Variants in AMDHD1 observed in about 807,000 individuals in gnomAD.
AMDHD1 encodes amidohydrolase domain containing 1, also known as probable imidazolonepropionase.
Under a neutral mutation model 44.1 loss-of-function variants are expected in AMDHD1, and 45 were observed. The observed-to-expected ratio is 1.02, with a 90% CI of 0.80 to 1.31. The LOEUF (loss-of-function observed/expected upper bound fraction) is 1.31, where lower values mean the gene tolerates loss of function less well. AMDHD1 is among the 50% of genes most tolerant of loss of function. The pLI, the probability that AMDHD1 is intolerant of heterozygous loss-of-function variation, is 0.00. For synonymous variants in AMDHD1, 206 were observed against 205.0 expected (o/e 1.00, Z -0.04); for missense variants, 586 against 552.1 (o/e 1.06, Z -0.61).
Position 95,968,543 on chromosome 12 carries a change from TGGGTGAA to T in AMDHD1, c.*701_*707del, listed in dbSNP as rs2080623844. ...AATTTTCGATTCTTTACATTACAAT[TGGGTGAA>T]ACACATTTTACAGCTCTCAATAAAT... On this transcript the variant is annotated 3_prime_UTR_variant, in exon 9 of 9. Transcript: ENST00000266736. The T allele has an allele frequency of 6.6e-6, 1 of 152,226 alleles. No individual in the cohort carries two copies. Among genetic ancestry groups the T allele is most frequent in the Non-Finnish European group, 1.5e-5 (1 of 68,038 alleles). The allele number at this position is 152,226 out of a possible 1,614,324, so 9.4% of individuals were successfully genotyped here. A position where few individuals can be genotyped will look rare whatever the true frequency, so the allele number is the denominator to read the frequency against.
At chr12:95,959,277 A>G (rs2080567872) in intron 4 of AMDHD1, among the ~76,000 whole-genome samples, 1 of 152,320 alleles carries the variant, frequency 6.6e-6, no homozygotes, top group Admixed American at 6.5e-5. Flanking sequence ...GCCTGAGCTC[A>G]AATAACAGCT....
At position 95,956,675 on chromosome 12, in the gene AMDHD1, G is replaced by C; in HGVS notation, c.310-10G>C. Reference sequence around the variant, plus strand: ...GCATGTGCTGGCCTAAAGGTGAGGCGTGTGTTCAGTTGGCAGGAGCCACCT... The same window carrying C: ...GCATGTGCTGGCCTAAAGGTGAGGCCTGTGTTCAGTTGGCAGGAGCCACCT... On this transcript the variant is annotated splice_polypyrimidine_tract_variant and intron_variant, in intron 3 of 8. Transcript: ENST00000266736. 1 of 1,613,070 alleles carries C rather than the reference G, an allele frequency of 6.2e-7. No homozygotes were observed. The highest frequency in any genetic ancestry group is 8.5e-7 in the Non-Finnish European group (1 of 1,179,132).
intron 8 of AMDHD1, 116 bp from the exon 9 acceptor site, chr12:95,967,640 C>A: frequency 1.3e-6 from 1 of 768,868 alleles, no homozygotes. Flanking sequence ...ATACCATTGA[C>A]TGGGTGTAAA....
Position 95,965,766 on chromosome 12 carries a change from A to G in AMDHD1, c.1019A>G (p.Tyr340Cys). 6.2e-7 allele frequency: 1 copy of G among 1,607,186 alleles called. No homozygotes were observed. Among genetic ancestry groups the G allele is most frequent in the Non-Finnish European group, 8.5e-7 (1 of 1,176,306 alleles). Residue 340 changes from tyrosine (Y) to cysteine (C), a missense_variant, in exon 7 of 9, where the codon TAT becomes TGT. Coordinates refer to ENST00000266736, the MANE Select transcript of AMDHD1 (RefSeq NM_152435.3). ...GGAAGTGATTTCAACCCCAATGCAT[A>G]TTGCTTTTCAATGGTAATTATTTTT... is the stretch of plus-strand genomic sequence containing the variant. The part of the protein sequence containing the change: ...ALGSDFNPNA[Y>C]CFSMPMVMHL...
intron 8 of AMDHD1, 57 bp downstream of exon 8, chr12:95,966,565 G>A: frequency 6.3e-7 from 1 of 1,595,682 alleles, no homozygotes; most frequent in Non-Finnish European, 8.6e-7. Context: ...ATGCAGATGA[G>A]GCCTAAATCC....
intron 4 of AMDHD1, among the ~76,000 whole-genome samples, chr12:95,958,171 AC>A (rs1303527135): frequency 6.6e-6 from 1 of 152,162 alleles, no homozygotes; most frequent in African/African-American, 2.4e-5. Context: ...TATATGCATT[AC>A]TTTACATACT....
chr12:95,959,082 A>G (rs1309941113), intron 4 of AMDHD1, among the ~76,000 whole-genome samples: 2 of 151,998 alleles, frequency 1.3e-5, no homozygotes, highest in African/African-American at 4.8e-5. Flanking sequence ...AAAAGAAAAG[A>G]AAAAAAGAAA....
At chr12:95,966,199 A>G in intron 7 of AMDHD1, 149 bp from the exon 8 acceptor site, 2 of 790,512 alleles carry the variant, frequency 2.5e-6, no homozygotes, top group Non-Finnish European at 3.9e-6. Flanking sequence ...AAGAATCTTT[A>G]TGTATAAACT....
chr12:95,967,804 A>C lies in AMDHD1; in HGVS notation c.1242A>C (p.Glu414Asp), dbSNP rs754073287. 1 of 1,601,568 alleles carries C rather than the reference A, an allele frequency of 6.2e-7. No individual in the cohort carries two copies. The highest frequency in any genetic ancestry group is 1.7e-5 in the Admixed American group (1 of 57,844). Residue 414 changes from glutamate (E) to aspartate (D), a missense_variant, in exon 9 of 9, where the codon GAA becomes GAC. Transcript: ENST00000266736. ...TCGGAGGCCATCATGAATTAATTGAATATGTTATAGCTAAAGGAAAACTCA... is the reference window on the plus strand; with the variant it reads ...TCGGAGGCCATCATGAATTAATTGACTATGTTATAGCTAAAGGAAAACTCA... ...YQFGGHHELI[E>D]YVIAKGKLIY...
intron 6 of AMDHD1, among the ~76,000 whole-genome samples, chr12:95,963,459 G>A (rs1345492184): frequency 2.6e-5 from 4 of 152,186 alleles, no homozygotes; most frequent in African/African-American, 9.7e-5. Flanking sequence ...CAGGCTCCAA[G>A]TAACTTTTAG....
At chr12:95,954,870 C>G in intron 2 of AMDHD1, 41 bp from the exon 3 acceptor site, 1 of 1,601,284 alleles carries the variant, frequency 6.2e-7, no homozygotes, top group African/African-American at 1.3e-5. Context: ...TAAGTGCTCT[C>G]TATTTCTTAA....
At chr12:95,961,392 T>C (rs1015170240) in intron 5 of AMDHD1, among the ~76,000 whole-genome samples, 1 of 152,222 alleles carries the variant, frequency 6.6e-6, no homozygotes, top group East Asian at 1.9e-4. Context: ...TTTCAACAAA[T>C]ATTTGAATGA....
Position 95,960,456 on chromosome 12 carries a change from A to G in AMDHD1, c.646A>G (p.Lys216Glu). ...CATCAATAACCACCTCCCAAAGCTGAAGGAACTTGGCAGAAATGGGGAAAT... is the reference window on the plus strand; with the variant it reads ...CATCAATAACCACCTCCCAAAGCTGGAGGAACTTGGCAGAAATGGGGAAAT... ...DIINNHLPKL[K>E]ELGRNGEIHV... The change falls in exon 5 of 9, where the codon AAG becomes GAG. Residue 216 changes from lysine (K) to glutamate (E), a missense_variant. Lys to Glu is a moderately conservative substitution (Grantham distance 56, BLOSUM62 1). Transcript: ENST00000266736. The G allele has an allele frequency of 6.2e-7, 1 of 1,614,234 alleles. No homozygotes were observed. The highest frequency in any genetic ancestry group is 8.5e-7 in the Non-Finnish European group (1 of 1,180,036).
At chr12:95,965,821 C>T (rs1407956990) in intron 7 of AMDHD1, 42 bp downstream of exon 7, 2 of 1,243,826 alleles carry the variant, frequency 1.6e-6, no homozygotes, top group South Asian at 1.4e-5. Context: ...AGAGTATCTA[C>T]CAAGCATATA....
chr12:95,962,070 A>C (rs2080584870), intron 5 of AMDHD1, among the ~76,000 whole-genome samples: 1 of 152,208 alleles, frequency 6.6e-6, no homozygotes, highest in African/African-American at 2.4e-5. Flanking sequence ...GATCCAGACT[A>C]TCCTGGCCAA....
At position 95,956,917 on chromosome 12, in the gene AMDHD1, A is replaced by G. The variant is rs1173921844; in HGVS notation, c.542A>G (p.Asp181Gly). ...ATTGAGCGCGCCCGGCGGGAGCTGG[A>G]CATCGGCATCTCGGCTACCTACTGC... ...RVIERARREL[D>G]IGISATYCGA... Residue 181 changes from aspartate (D) to glycine (G), a missense_variant, in exon 4 of 9, where the codon GAC (aspartate) becomes GGC (glycine). Transcript: ENST00000266736. The G allele has an allele frequency of 2.1e-5, 34 of 1,612,942 alleles. No individual in the cohort carries two copies. Among genetic ancestry groups the G allele is most frequent in the Non-Finnish European group, 2.3e-5 (27 of 1,179,966 alleles).
chr12:95,947,660 C>T (rs1271641377), intron 1 of AMDHD1, among the ~76,000 whole-genome samples: 19 of 46,288 alleles, frequency 4.1e-4, no homozygotes, highest in East Asian at 6.0e-3. Flanking sequence ...CCGCCCCGTC[C>T]GGGAGGTGAG....
intron 1 of AMDHD1, among the ~76,000 whole-genome samples, chr12:95,945,333 A>C (rs895983183): frequency 1.3e-5 from 2 of 152,194 alleles, no homozygotes; most frequent in Admixed American, 1.3e-4. Context: ...TGGATTTATT[A>C]CAATGAAATA....
At chr12:95,966,033 G>A (rs2080608474) in intron 7 of AMDHD1, among the ~76,000 whole-genome samples, 1 of 152,190 alleles carries the variant, frequency 6.6e-6, no homozygotes, top group African/African-American at 2.4e-5. Context: ...TAGTTTTACA[G>A]TAACCCATTT....
Sources: gnomAD v4.1 joint callset for allele counts (sites outside exome capture counted in the v4.1 genomes callset) on GRCh38, gnomAD v4.1.1 for gene constraint, MANE v1.5 for transcripts, NCBI Gene and HGNC (gene_info 2026-07-23, HGNC 2026-07-21) for gene names.